Variants in MARCHF4 observed in about 807,000 individuals in gnomAD.
The protein encoded by MARCHF4 is membrane associated ring-CH-type finger 4.
A neutral mutation model predicts 43.9 loss-of-function variants in MARCHF4; 14 were observed. The observed-to-expected ratio is 0.32, with a 90% confidence interval of 0.21 to 0.50. The LOEUF is 0.50. MARCHF4 is among the 20% of genes least tolerant of loss of function. The probability of loss-of-function intolerance (pLI) is 0.98; values close to 1 mark genes in which losing one functional copy is unlikely to be tolerated. For synonymous variants in MARCHF4, 226 were observed against 213.3 expected, an observed-to-expected ratio of 1.06 and a Z score of -0.52; for missense variants, 468 against 536.7, an observed-to-expected ratio of 0.87 and a Z score of 1.27.
chr2:216,283,446 C>G (rs1263652040), intron 2 of MARCHF4, 128 bp downstream of exon 2: 1 of 1,181,718 alleles, frequency 8.5e-7, no homozygotes. Context: ...ACCGTGCTTG[C>G]CCACCCAGCC....
At chr2:216,316,574 C>T (rs933520953) in intron 1 of MARCHF4, among the ~76,000 whole-genome samples, 5 of 151,810 alleles carry the variant, frequency 3.3e-5, no homozygotes, top group African/African-American at 9.7e-5. Context: ...GAGAGGGGTG[C>T]GGGGACAGGG....
chr2:216,283,831 A>C, intron 1 of MARCHF4, 102 bp from the exon 2 acceptor site: 1 of 1,269,704 alleles, frequency 7.9e-7, no homozygotes, highest in African/African-American at 1.5e-5. Flanking sequence ...TGAGCCACCC[A>C]AGTAGGCCAC....
In MARCHF4 at chr2:216,369,847, G is replaced by T. The variant is rs550737911; in HGVS notation, c.414C>A (p.Asp138Glu). The T allele has an allele frequency of 8.4e-5, 135 of 1,613,946 alleles. No homozygotes were observed. Among genetic ancestry groups the T allele is most frequent in the Non-Finnish European group, 1.1e-4 (132 of 1,180,034 alleles). ...ASLLSSASSD[D>E]FCKEKTEDRY... ...GATCCTCGGTCTTCTCCTTACAGAAGTCATCTGAGGAGGCACTGCTGAGCA... is the reference window on the plus strand; with the variant it reads ...GATCCTCGGTCTTCTCCTTACAGAATTCATCTGAGGAGGCACTGCTGAGCA... Residue 138 changes from aspartate to glutamate, a missense_variant, in exon 1 of 4, where the codon GAC (aspartate) becomes GAA (glutamate). By Grantham distance (45) the Asp-to-Glu change is conservative. Around this residue, in one of 3 missense-constraint regions of MARCHF4, gnomAD observed 158 missense variants for 251.1 expected, o/e 0.63. Coordinates refer to ENST00000273067, the MANE Select transcript of MARCHF4 (RefSeq NM_020814.3).
At chr2:216,285,204 A>G (rs694697) in intron 1 of MARCHF4, among the ~76,000 whole-genome samples, 83,227 of 152,076 alleles carry the variant, frequency 0.55, 22,817 homozygotes, top group South Asian at 0.65. Flanking sequence ...CAGGAATGAG[A>G]ATGCCCACTC....
At chr2:216,265,548 T>G (rs1574457901) in intron 3 of MARCHF4, 1 of 151,984 alleles carries the variant, frequency 6.6e-6, no homozygotes. Flanking sequence ...CAGGCTGGAG[T>G]GCAGTGGTGC....
At chr2:216,308,558 G>A (rs1403492171) in intron 1 of MARCHF4, among the ~76,000 whole-genome samples, 3 of 152,204 alleles carry the variant, frequency 2.0e-5, no homozygotes, top group East Asian at 1.9e-4. Flanking sequence ...GCCCTACAGT[G>A]TGCCTGGTAC....
rs1381198907 is a variant in MARCHF4 at position 216,259,474 on chromosome 2, A to G, written c.1071T>C (p.Pro357=). The change falls in exon 4 of 4, where the codon CCT becomes CCC. Residue 357 remains proline (P), a synonymous_variant. Transcript: ENST00000273067. ...SEEETAGTPA[P]EQGPAQAAGH... ...CGGCAGCCTGGGCAGGGCCCTGCTC[A>G]GGGGCAGGGGTGCCTGCGGTCTCCT... 1 of 1,613,962 alleles carries G rather than the reference A, an allele frequency of 6.2e-7. No homozygotes were observed. Among genetic ancestry groups the G allele is most frequent in the Non-Finnish European group, 8.5e-7 (1 of 1,179,996 alleles).
chr2:216,272,466 T>G (rs533153853), intron 3 of MARCHF4, among the ~76,000 whole-genome samples: 1 of 152,262 alleles, frequency 6.6e-6, no homozygotes, highest in African/African-American at 2.4e-5. Flanking sequence ...CCCCCCAACC[T>G]GCCTCCCCAA....
At chr2:216,355,221 C>T (rs1298351630) in intron 1 of MARCHF4, among the ~76,000 whole-genome samples, 5 of 152,186 alleles carry the variant, frequency 3.3e-5, no homozygotes, top group African/African-American at 9.6e-5. Flanking sequence ...ATCCACTTGC[C>T]TTGGCCTCCC....
chr2:216,308,266 G>C (rs1160251887), intron 1 of MARCHF4, among the ~76,000 whole-genome samples: 1 of 152,012 alleles, frequency 6.6e-6, no homozygotes, highest in Non-Finnish European at 1.5e-5. Flanking sequence ...ATTAGCTGGG[G>C]TTGGTGGTAT....
At chr2:216,341,870 T>G (rs746438523) in intron 1 of MARCHF4, among the ~76,000 whole-genome samples, 6 of 152,156 alleles carry the variant, frequency 3.9e-5, no homozygotes, top group Admixed American at 6.5e-5. Flanking sequence ...GAATCCCAGA[T>G]AGCAGCTGCT....
At chr2:216,283,886 T>C (rs1297722872) in intron 1 of MARCHF4, among the ~76,000 whole-genome samples, 157 bp from the exon 2 acceptor site, 2 of 152,104 alleles carry the variant, frequency 1.3e-5, no homozygotes, top group Non-Finnish European at 2.9e-5. Context: ...AGGCCTGGGC[T>C]CCTGCACCCC....
chr2:216,372,370 C>T lies in MARCHF4; in HGVS notation c.-2110G>A, dbSNP rs991377212. 3.9e-5 allele frequency among the ~76,000 whole-genome samples: 6 copies of T among 152,150 alleles called. No homozygotes were observed. Among genetic ancestry groups the T allele is most frequent in the Admixed American group, 2.6e-4 (4 of 15,288 alleles). The stretch of plus-strand genomic sequence containing the variant: ...GAGTGGACAGCTCCCACCCAGACCC[C>T]GCGCGTCACGCTCGTGGGGGCCTGA... On this transcript the variant is annotated 5_prime_UTR_variant, in exon 1 of 4. Transcript: ENST00000273067.
intron 1 of MARCHF4, among the ~76,000 whole-genome samples, chr2:216,300,349 T>TATATACATATATATATAC (rs1559093181): frequency 8.4e-6 from 1 of 118,826 alleles, no homozygotes; most frequent in African/African-American, 3.3e-5. Context: ...TATATATATA[T>TATATACATATATATATAC]GTATATATAT....
At chr2:216,364,500 G>A (rs1358168912) in intron 1 of MARCHF4, among the ~76,000 whole-genome samples, 5 of 152,130 alleles carry the variant, frequency 3.3e-5, no homozygotes, top group African/African-American at 4.8e-5. Flanking sequence ...AGGAGTCTGC[G>A]GGGTCAAGGA....
At chr2:216,314,860 G>C (rs1179515696) in intron 1 of MARCHF4, among the ~76,000 whole-genome samples, 2 of 152,066 alleles carry the variant, frequency 1.3e-5, no homozygotes. Flanking sequence ...GACAGAGCTA[G>C]AAAGAAAACA....
chr2:216,309,934 C>T (rs958802829), intron 1 of MARCHF4, among the ~76,000 whole-genome samples: 6 of 152,176 alleles, frequency 3.9e-5, no homozygotes, highest in Non-Finnish European at 8.8e-5. Flanking sequence ...GAAGCCCAAT[C>T]CCATCCTAGC....
chr2:216,277,697 A>G lies in MARCHF4; in HGVS notation c.840T>C (p.Tyr280=). The change falls in exon 3 of 4, where the codon TAT becomes TAC. Residue 280 remains tyrosine (Y), a synonymous_variant. Transcript: ENST00000273067. ...DLLFQICYGM[Y]GFMDVVCIGL... ...CTATGCACACCACGTCCATGAAGCCATACATCCCGTAGCAGATCTGGAAGA... is the reference window on the plus strand; with the variant it reads ...CTATGCACACCACGTCCATGAAGCCGTACATCCCGTAGCAGATCTGGAAGA... The G allele has an allele frequency of 1.2e-6, 2 of 1,613,170 alleles. No homozygotes were observed. The highest frequency in any genetic ancestry group is 1.7e-6 in the Non-Finnish European group (2 of 1,179,242).
intron 1 of MARCHF4, among the ~76,000 whole-genome samples, chr2:216,338,990 G>C (rs11886327): frequency 0.02 from 2,972 of 152,236 alleles, 94 homozygotes; most frequent in African/African-American, 0.068. Flanking sequence ...TGAGACCCAG[G>C]CTGTTTGAAT....
Sources: gnomAD v4.1 joint callset for allele counts (sites outside exome capture counted in the v4.1 genomes callset) on GRCh38, gnomAD v4.1.1 for gene constraint, gnomAD v4.1.1 regional missense constraint, MANE v1.5 for transcripts, NCBI Gene and HGNC (gene_info 2026-07-23, HGNC 2026-07-21) for gene names.